SPECC1L: variants seen among roughly 807,000 people sequenced by gnomAD.
SPECC1L encodes the protein cytospin-A.
Under a neutral mutation model 116.8 loss-of-function variants are expected in SPECC1L, and 40 were observed. The ratio of observed to expected loss-of-function variants is 0.34; its 90% CI spans 0.27 to 0.45. The LOEUF (loss-of-function observed/expected upper bound fraction) is 0.45. Ranked by LOEUF, SPECC1L falls within the 20% of genes least tolerant of loss-of-function variation. SPECC1L has a pLI of 1.00. For missense variants in SPECC1L, 1,110 were observed against 1,373.6 expected (o/e 0.81, Z 3.03); for synonymous variants, 504 against 500.6 (o/e 1.01, Z -0.09).
At chr22:24,375,751 C>T (rs1569441100) in intron 14 of SPECC1L, among the ~76,000 whole-genome samples, 2 of 152,132 alleles carry the variant, frequency 1.3e-5, no homozygotes, top group Non-Finnish European at 1.5e-5. Flanking sequence ...GCCAGGAGTT[C>T]AAGACCAGCC....
chr22:24,355,936 A>G lies in SPECC1L; in HGVS notation c.2744-7325A>G, dbSNP rs534885614. On this transcript the variant is annotated intron_variant, in intron 11 of 16. Coordinates refer to ENST00000314328, the MANE Select transcript of SPECC1L (RefSeq NM_015330.6). ...TGTCATCATAGTTACACAGTTCTGT[A>G]CACAAGAGTTCCATCACCCCCAAAA... Among the ~76,000 whole-genome samples the G allele has an allele frequency of 4.6e-5, 7 of 151,880 alleles. No individual in the cohort carries two copies. The South Asian group carries it at 1.2e-3, about 27-fold the overall frequency.
In SPECC1L at chr22:24,322,610, A is replaced by G. The variant is rs1601553209; in HGVS notation, c.1630A>G (p.Met544Val). 3.7e-6 allele frequency: 6 copies of G among 1,614,204 alleles called. No individual in the cohort carries two copies. The highest frequency in any genetic ancestry group is 1.1e-5 in the South Asian group (1 of 91,084). The change falls in exon 5 of 17, where the codon ATG becomes GTG. Residue 544 changes from methionine (M) to valine (V), a missense_variant. By Grantham distance (21) the Met-to-Val change is conservative. Transcript: ENST00000314328. The part of the protein sequence containing the change: ...IGALKERSHH[M>V]ERIIESEQKG... ...GGCACTCAAAGAACGCAGTCACCATATGGAGCGAATTATTGAGTCTGAGCA... is the reference window on the plus strand; with the variant it reads ...GGCACTCAAAGAACGCAGTCACCATGTGGAGCGAATTATTGAGTCTGAGCA...
At chr22:24,301,417 A>G (rs528793947) in intron 2 of SPECC1L, among the ~76,000 whole-genome samples, 13 of 152,330 alleles carry the variant, frequency 8.5e-5, no homozygotes, top group African/African-American at 2.6e-4. Context: ...TAAGTTGACA[A>G]TGTCATGAGT....
At chr22:24,382,003 A>G (rs867450077) in intron 14 of SPECC1L, among the ~76,000 whole-genome samples, 1 of 149,692 alleles carries the variant, frequency 6.7e-6, no homozygotes, top group Non-Finnish European at 1.5e-5. Context: ...CAGGAAGTTT[A>G]TAGACTAGTC....
intron 1 of SPECC1L, among the ~76,000 whole-genome samples, chr22:24,276,160 T>G (rs1165297112): frequency 6.6e-6 from 1 of 152,152 alleles, no homozygotes; most frequent in African/African-American, 2.4e-5. Context: ...GAGGACTGCT[T>G]GAGGCCGAGA....
At chr22:24,402,173 C>T (rs576257976) in intron 14 of SPECC1L, among the ~76,000 whole-genome samples, 51 of 143,258 alleles carry the variant, frequency 3.6e-4, no homozygotes, top group Non-Finnish European at 6.4e-4. Flanking sequence ...TCTCCCCTCC[C>T]CTGACCTGGA....
chr22:24,307,949 A>G (rs2049534740), intron 3 of SPECC1L, among the ~76,000 whole-genome samples: 2 of 152,154 alleles, frequency 1.3e-5, no homozygotes, highest in Non-Finnish European at 2.9e-5. Flanking sequence ...TTAGACTTAC[A>G]GAAAAGCTGA....
intron 14 of SPECC1L, among the ~76,000 whole-genome samples, chr22:24,405,838 CA>C (rs35648769): frequency 0.54 from 73,952 of 136,314 alleles, 18,664 homozygotes; most frequent in Admixed American, 0.58. Context: ...GACTCTGCCT[CA>C]AAAAAAAAAA....
At chr22:24,306,787 C>T (rs1346264415) in intron 3 of SPECC1L, among the ~76,000 whole-genome samples, 2 of 152,166 alleles carry the variant, frequency 1.3e-5, no homozygotes, top group African/African-American at 4.8e-5. Context: ...AATCTCTGTA[C>T]CCATTATATA....
At chr22:24,407,499 G>C (rs922546523) in intron 14 of SPECC1L, among the ~76,000 whole-genome samples, 2 of 152,164 alleles carry the variant, frequency 1.3e-5, no homozygotes, top group Admixed American at 6.5e-5. Flanking sequence ...GCACGTCCAC[G>C]ACCCTGCCAG....
chr22:24,414,794 C>A lies in SPECC1L; in HGVS notation c.*171C>A. On this transcript the variant is annotated 3_prime_UTR_variant, in exon 17 of 17. Coordinates refer to ENST00000314328, the MANE Select transcript of SPECC1L (RefSeq NM_015330.6). Reference sequence around the variant, plus strand: ...GTATTGGAAGAACTCAGCCGTGTGGCCCACAGCTCCCACCAGGGCCCCTCC... The same window carrying A: ...GTATTGGAAGAACTCAGCCGTGTGGACCACAGCTCCCACCAGGGCCCCTCC... 1.6e-6 allele frequency: 1 copy of A among 639,026 alleles called. No homozygotes were observed. The highest frequency in any genetic ancestry group is 2.8e-6 in the Non-Finnish European group (1 of 351,930). The allele number at this position is 639,026 out of a possible 1,614,324, so 39.6% of individuals were successfully genotyped here.
Position 24,416,729 on chromosome 22 carries a change from G to C in SPECC1L, c.*2106G>C, listed in dbSNP as rs546077627. The C allele has an allele frequency of 2.0e-5, 3 of 152,298 alleles. No individual in the cohort carries two copies. Among genetic ancestry groups the C allele is most frequent in the African/African-American group, 4.8e-5 (2 of 41,430 alleles). The allele number at this position is 152,298 out of a possible 1,614,324, so 9.4% of individuals were successfully genotyped here. ...GCCCAGCCCTGGTGCCTCATGGGAT[G>C]GGGGGGTAGGGGTCCCCAGGATCTT... On this transcript the variant is annotated 3_prime_UTR_variant, in exon 17 of 17. Transcript: ENST00000314328.
Position 24,340,012 on chromosome 22 carries a change from T to A in SPECC1L, c.2652+1535T>A, listed in dbSNP as rs141496447. 7.3e-4 allele frequency among the ~76,000 whole-genome samples: 111 copies of A among 152,138 alleles called. 1 individual carries two copies. Among genetic ancestry groups the A allele is most frequent in the Admixed American group, 1.8e-3 (27 of 15,274 alleles). ...GTTGCCCAGGCTGGTCTTGAGCTCCTGAGCTCAGGTAATCCACCTGCCTGG... is the reference window on the plus strand; with the variant it reads ...GTTGCCCAGGCTGGTCTTGAGCTCCAGAGCTCAGGTAATCCACCTGCCTGG... On this transcript the variant is annotated intron_variant, in intron 10 of 16. Coordinates refer to ENST00000314328, the MANE Select transcript of SPECC1L (RefSeq NM_015330.6).
intron 10 of SPECC1L, among the ~76,000 whole-genome samples, chr22:24,342,215 C>T (rs1387699615): frequency 6.6e-6 from 1 of 152,144 alleles, no homozygotes; most frequent in East Asian, 1.9e-4. Flanking sequence ...AATGAAGAAG[C>T]AGGAAAATGT....
intron 14 of SPECC1L, among the ~76,000 whole-genome samples, chr22:24,409,123 A>G (rs1406356872): frequency 6.6e-6 from 1 of 152,242 alleles, no homozygotes; most frequent in Admixed American, 6.5e-5. Context: ...TAAACTTTGT[A>G]AGATTCTGTA....
chr22:24,274,803 A>G lies in SPECC1L; in HGVS notation c.-141-1897A>G, dbSNP rs191853788. Among the ~76,000 whole-genome samples, 1,423 of 152,306 alleles carry G rather than the reference A, an allele frequency of 9.3e-3. 8 individuals are homozygous for G. The highest frequency in any genetic ancestry group is 0.015 in the Non-Finnish European group (988 of 68,036). On this transcript the variant is annotated intron_variant, in intron 1 of 16. Transcript: ENST00000314328. ...ATAAGGTCTCCTTAGCTTGGTATCC[A>G]GAACACTTCAATACTGGGCTTTGAC...
intron 11 of SPECC1L, among the ~76,000 whole-genome samples, chr22:24,350,735 T>C (rs2098638236): frequency 6.6e-6 from 1 of 152,198 alleles, no homozygotes; most frequent in African/African-American, 2.4e-5. Context: ...GCTTGGTAGG[T>C]GTGCCCTAGT....
intron 2 of SPECC1L, among the ~76,000 whole-genome samples, chr22:24,281,501 T>C (rs1166351094): frequency 6.6e-6 from 1 of 152,240 alleles, no homozygotes; most frequent in African/African-American, 2.4e-5. Flanking sequence ...TATTTTGTAG[T>C]TTTCAGTGTA....
rs902473710 is a variant in SPECC1L, at chr22:24,415,217, C to G, written c.*594C>G. On this transcript the variant is annotated 3_prime_UTR_variant, in exon 17 of 17. Transcript: ENST00000314328. ...CCGACACAATCCAGGCGTGTTCAGC[C>G]TGAGCTAGGAGAGTATCTAGAGGGC... The G allele has an allele frequency of 6.0e-6, 1 of 166,306 alleles. No individual in the cohort carries two copies. Among genetic ancestry groups the G allele is most frequent in the Admixed American group, 5.5e-5 (1 of 18,128 alleles). 10.3% of individuals were successfully genotyped at this position (166,306 alleles called of 1,614,324 possible). A position where few individuals can be genotyped will look rare whatever the true frequency, so the allele number is the denominator to read the frequency against.
Sources: allele counts gnomAD v4.1 joint callset (sites outside exome capture counted in the v4.1 genomes callset), GRCh38; gene constraint gnomAD v4.1.1; transcripts MANE v1.5; gene names NCBI Gene and HGNC (gene_info 2026-07-23, HGNC 2026-07-21).